Variants in ADAMTS17 observed in about 807,000 individuals in gnomAD.
ADAMTS17 encodes A disintegrin and metalloproteinase with thrombospondin motifs 17.
In ADAMTS17, 113 loss-of-function variants were observed where a neutral mutation model predicts 141.5. The observed-to-expected ratio is 0.80, with a 90% CI of 0.69 to 0.93. The LOEUF (loss-of-function observed/expected upper bound fraction) is 0.93. Ranked by LOEUF, ADAMTS17 falls within the 40% of genes least tolerant of loss-of-function variation. The pLI is 0.00. For missense variants in ADAMTS17, 1,659 were observed against 1,517.9 expected (o/e 1.09, Z -1.54); for synonymous variants, 768 against 630.6 (o/e 1.22, Z -3.27).
At chr15:100,234,662 T>C (rs192330314) in intron 7 of ADAMTS17, among the ~76,000 whole-genome samples, 43 of 152,332 alleles carry the variant, frequency 2.8e-4, no homozygotes, top group Admixed American at 1.0e-3. Context: ...TCAAAACATA[T>C]GTTTACCTTG....
At chr15:100,078,433 T>G (rs1452698213) in intron 15 of ADAMTS17, among the ~76,000 whole-genome samples, 1 of 152,178 alleles carries the variant, frequency 6.6e-6, no homozygotes, top group African/African-American at 2.4e-5. Flanking sequence ...AAAACAATTT[T>G]TTTTTAAACA....
intron 7 of ADAMTS17, among the ~76,000 whole-genome samples, chr15:100,213,945 T>G (rs1429206033): frequency 6.6e-6 from 1 of 152,222 alleles, no homozygotes; most frequent in Non-Finnish European, 1.5e-5. Flanking sequence ...GGTAGCTCTT[T>G]TTTTCTCCTT....
At chr15:100,305,446 C>T (rs754364059) in intron 3 of ADAMTS17, among the ~76,000 whole-genome samples, 7 of 152,336 alleles carry the variant, frequency 4.6e-5, no homozygotes, top group South Asian at 2.1e-4. Flanking sequence ...CAAATTCCAA[C>T]GACAAGAGCG....
At chr15:100,079,918 G>C (rs1041005922) in intron 15 of ADAMTS17, among the ~76,000 whole-genome samples, 1 of 152,200 alleles carries the variant, frequency 6.6e-6, no homozygotes, top group Non-Finnish European at 1.5e-5. Context: ...TCATCCTGAA[G>C]AGGCTGCAAA....
chr15:100,097,879 A>AT (rs907519870), intron 14 of ADAMTS17, among the ~76,000 whole-genome samples: 24 of 151,824 alleles, frequency 1.6e-4, no homozygotes, highest in Admixed American at 3.3e-4. Flanking sequence ...GGAGCCTTTT[A>AT]TTTTTTTGAA....
intron 3 of ADAMTS17, chr15:100,306,530 A>T (rs1406413890): frequency 2.2e-6 from 1 of 456,050 alleles, no homozygotes; most frequent in East Asian, 6.9e-5. Context: ...AGATCACTCC[A>T]GCCTCCAGAT....
Position 100,102,097 on chromosome 15 carries a change from C to A in ADAMTS17, c.2017-5621G>T, listed in dbSNP as rs540542930. Among the ~76,000 whole-genome samples the A allele has an allele frequency of 3.3e-5, 5 of 152,326 alleles. No individual in the cohort carries two copies. In the South Asian group the frequency reaches 1.0e-3, roughly 32 times the overall value. On this transcript the variant is annotated intron_variant, in intron 14 of 21. Coordinates refer to ENST00000268070, the MANE Select transcript of ADAMTS17 (RefSeq NM_139057.4). ...CTTCTGTGTCTCAAAATTAGTTTCC[C>A]TGCATGCTTGCTTGATAGTTTGGCT...
chr15:99,978,433 C>T (rs1365291438), intron 20 of ADAMTS17: 3 of 152,288 alleles, frequency 2.0e-5, no homozygotes, highest in South Asian at 4.1e-4. Flanking sequence ...CACGTTCAAA[C>T]TGGAACCCGG....
rs530873709 is a variant in ADAMTS17, at chr15:100,036,134, T to G, written c.2591+12723A>C. Among the ~76,000 whole-genome samples, 4 of 152,282 alleles carry G rather than the reference T, an allele frequency of 2.6e-5. 1 individual carries two copies. The highest frequency in any genetic ancestry group is 9.6e-5 in the African/African-American group (4 of 41,562). ...AGGGAGAAGCAGTAGGGCTTCTTTG[T>G]CAGAGTCTTTGGGAATGGCAGCCAT... On this transcript the variant is annotated intron_variant, in intron 18 of 21. Coordinates refer to ENST00000268070, the MANE Select transcript of ADAMTS17 (RefSeq NM_139057.4).
intron 7 of ADAMTS17, among the ~76,000 whole-genome samples, chr15:100,247,462 CAGAA>C (rs1567424141): frequency 2.0e-5 from 3 of 152,182 alleles, no homozygotes; most frequent in Admixed American, 2.0e-4. Flanking sequence ...CACTGTAACA[CAGAA>C]AACGCTGGCT....
At chr15:100,006,685 G>A (rs887097323) in intron 18 of ADAMTS17, among the ~76,000 whole-genome samples, 2 of 152,208 alleles carry the variant, frequency 1.3e-5, no homozygotes, top group African/African-American at 4.8e-5. Flanking sequence ...CAGAATGGGC[G>A]CAAAAGAAGG....
intron 12 of ADAMTS17, among the ~76,000 whole-genome samples, chr15:100,121,393 A>T (rs527536477): frequency 2.8e-4 from 42 of 152,208 alleles, no homozygotes; most frequent in Non-Finnish European, 4.9e-4. Context: ...CCATACTAAG[A>T]CACATTGTAA....
chr15:99,993,212 C>G lies in ADAMTS17; in HGVS notation c.2797-12G>C. 1 of 1,614,158 alleles carries G rather than the reference C, an allele frequency of 6.2e-7. No individual in the cohort carries two copies. Among genetic ancestry groups the G allele is most frequent in the Non-Finnish European group, 8.5e-7 (1 of 1,180,044 alleles). On this transcript the variant is annotated splice_polypyrimidine_tract_variant and intron_variant, in intron 19 of 21. Transcript: ENST00000268070. The surrounding 1 kb of genome is among the most constrained non-coding windows in gnomAD (Gnocchi z 4.3). ...CAGCTGGCAGAGCACTGCAAGACAC[C>G]ATTCAAATATTTAACCGAGTTCCAA...
intron 4 of ADAMTS17, among the ~76,000 whole-genome samples, chr15:100,272,478 T>C (rs12916609): frequency 6.6e-6 from 1 of 151,490 alleles, no homozygotes; most frequent in African/African-American, 2.4e-5. Flanking sequence ...TTTCTTAATT[T>C]TCTTTTCAGA....
intron 15 of ADAMTS17, among the ~76,000 whole-genome samples, chr15:100,091,419 G>C (rs1305723798): frequency 6.6e-6 from 1 of 152,144 alleles, no homozygotes; most frequent in Non-Finnish European, 1.5e-5. Flanking sequence ...AACATGATTT[G>C]GTTTCATGAG....
chr15:100,172,144 G>T (rs2040183709), intron 8 of ADAMTS17, among the ~76,000 whole-genome samples: 1 of 152,174 alleles, frequency 6.6e-6, no homozygotes, highest in Non-Finnish European at 1.5e-5. Flanking sequence ...GAAGGATCCA[G>T]CTCAATTTCC....
At chr15:100,105,368 T>C (rs1003760320) in intron 14 of ADAMTS17, among the ~76,000 whole-genome samples, 27 of 152,158 alleles carry the variant, frequency 1.8e-4, no homozygotes, top group African/African-American at 6.3e-4. Context: ...TGAGGTGCAG[T>C]GCAGGCACCA....
At chr15:100,170,574 G>C (rs184642863) in intron 8 of ADAMTS17, among the ~76,000 whole-genome samples, 3 of 152,298 alleles carry the variant, frequency 2.0e-5, no homozygotes, top group Admixed American at 1.3e-4. Flanking sequence ...ATGAAATTTG[G>C]TTTGTTCTGG....
At chr15:100,101,799 ACTTGCTTT>A (rs1221413832) in intron 14 of ADAMTS17, among the ~76,000 whole-genome samples, 33 of 152,336 alleles carry the variant, frequency 2.2e-4, no homozygotes, top group African/African-American at 7.9e-4. Context: ...AATAAGCAGT[ACTTGCTTT>A]CTTCAACTTA....
Sources: gnomAD v4.1 joint callset for allele counts (sites outside exome capture counted in the v4.1 genomes callset) on GRCh38, gnomAD v4.1.1 for gene constraint, Gnocchi (gnomAD v3.1) non-coding constraint, MANE v1.5 for transcripts, NCBI Gene and HGNC (gene_info 2026-07-23, HGNC 2026-07-21) for gene names.